COL26A1: variants seen among roughly 807,000 people sequenced by gnomAD.
COL26A1 encodes the protein collagen type XXVI alpha 1 chain, also known as collagen alpha-1(XXVI) chain.
COL26A1 carries 41 observed loss-of-function variants against 59.3 expected under a neutral mutation model. The ratio of observed to expected loss-of-function variants is 0.69; its 90% CI spans 0.54 to 0.90. COL26A1 has a LOEUF of 0.90. Ranked by LOEUF, COL26A1 falls within the 40% of genes least tolerant of loss-of-function variation. The pLI, the probability that COL26A1 is intolerant of heterozygous loss-of-function variation, is 0.00. For missense variants in COL26A1, 612 were observed against 602.3 expected (o/e 1.02, Z -0.17); for synonymous variants, 266 against 256.0 (o/e 1.04, Z -0.37).
rs58432413 is a variant in COL26A1, at chr7:101,429,589, C to CTTTTTTTTTTTTTT, written c.281+9498_281+9511dup. ...ATTCTTTTTTTTCCTTTCTTTTTTA[C>CTTTTTTTTTTTTTT]TTTTTTTTTTTTTTTTTTTTTGAGA... On this transcript the variant is annotated intron_variant, in intron 2 of 12. Coordinates refer to ENST00000313669, the MANE Select transcript of COL26A1 (RefSeq NM_001278563.3). Among the ~76,000 whole-genome samples, 114 of 78,680 alleles carry CTTTTTTTTTTTTTT rather than the reference C, an allele frequency of 1.4e-3. 3 individuals are homozygous for CTTTTTTTTTTTTTT. Among genetic ancestry groups the CTTTTTTTTTTTTTT allele is most frequent in the Middle Eastern group, 0.011 (1 of 94 alleles). The allele number at this position is 78,680 out of a possible 152,430, so 51.6% of individuals were successfully genotyped here. A position where few individuals can be genotyped will look rare whatever the true frequency, so the allele number is the denominator to read the frequency against.
intron 3 of COL26A1, among the ~76,000 whole-genome samples, chr7:101,475,809 T>TTCCTTCC (rs1563000047): frequency 0.049 from 2,004 of 40,950 alleles, 75 homozygotes; most frequent in African/African-American, 0.27. Flanking sequence ...TCCTTCCTTC[T>TTCCTTCC]TTCTTTCTTT....
intron 11 of COL26A1, 46 bp from the exon 12 acceptor site, chr7:101,555,741 C>A: frequency 1.4e-6 from 2 of 1,479,008 alleles, no homozygotes; most frequent in East Asian, 2.4e-5. Flanking sequence ...GGCCCTGACC[C>A]CTTCCTCATG....
At chr7:101,549,701 C>G (rs1795820439) in intron 9 of COL26A1, among the ~76,000 whole-genome samples, 1 of 152,162 alleles carries the variant, frequency 6.6e-6, no homozygotes, top group Non-Finnish European at 1.5e-5. Flanking sequence ...ATTTTATTAG[C>G]AGCAGTGACT....
intron 2 of COL26A1, among the ~76,000 whole-genome samples, chr7:101,430,174 A>G (rs947249803): frequency 6.6e-6 from 1 of 152,136 alleles, no homozygotes. Flanking sequence ...TACAAATCTT[A>G]TACTTATTTT....
At chr7:101,534,497 CACAT>C (rs1795436911) in intron 4 of COL26A1, among the ~76,000 whole-genome samples, 1 of 152,068 alleles carries the variant, frequency 6.6e-6, no homozygotes, top group Non-Finnish European at 1.5e-5. Context: ...TACATATATA[CACAT>C]ACAGACACAC....
chr7:101,437,748 T>C (rs1412623183), intron 2 of COL26A1, among the ~76,000 whole-genome samples: 1 of 151,254 alleles, frequency 6.6e-6, no homozygotes, highest in Non-Finnish European at 1.5e-5. Context: ...CTAATTTTTT[T>C]TTTTTTTTTA....
intron 1 of COL26A1, among the ~76,000 whole-genome samples, chr7:101,394,585 CTTTT>C (rs59966789): frequency 8.1e-6 from 1 of 122,804 alleles, no homozygotes; most frequent in African/African-American, 3.1e-5. Context: ...TTTTTCTTTT[CTTTT>C]TTTTTTTTTT....
chr7:101,477,595 A>G (rs141248664), intron 3 of COL26A1, among the ~76,000 whole-genome samples: 62 of 152,138 alleles, frequency 4.1e-4, no homozygotes, highest in Non-Finnish European at 7.8e-4. Flanking sequence ...CTTAATTCCC[A>G]GTTTTCAGTA....
intron 4 of COL26A1, among the ~76,000 whole-genome samples, chr7:101,536,904 C>G (rs1795494265): frequency 6.6e-6 from 1 of 152,150 alleles, no homozygotes; most frequent in East Asian, 1.9e-4. Context: ...TATGTAAAGG[C>G]AGGAAGTGGA....
intron 3 of COL26A1, among the ~76,000 whole-genome samples, chr7:101,476,707 C>G (rs748641545): frequency 6.6e-6 from 1 of 151,668 alleles, no homozygotes; most frequent in African/African-American, 2.4e-5. Flanking sequence ...GCCACCACAC[C>G]CGGCTAATTT....
intron 3 of COL26A1, among the ~76,000 whole-genome samples, chr7:101,477,646 A>G (rs1259795392): frequency 6.6e-6 from 1 of 152,214 alleles, no homozygotes; most frequent in African/African-American, 2.4e-5. Flanking sequence ...TTCTTCAGTC[A>G]TGAGATTCCC....
At chr7:101,439,879 T>C (rs1361295767) in intron 2 of COL26A1, among the ~76,000 whole-genome samples, 2 of 152,168 alleles carry the variant, frequency 1.3e-5, no homozygotes, top group Non-Finnish European at 2.9e-5. Flanking sequence ...TGGCCCTTAA[T>C]GTTCCCACCA....
At chr7:101,533,760 G>T (rs1795419114) in intron 4 of COL26A1, among the ~76,000 whole-genome samples, 1 of 151,982 alleles carries the variant, frequency 6.6e-6, no homozygotes, top group African/African-American at 2.4e-5. Context: ...CTCCCTCTGG[G>T]AGACGGTGGT....
intron 3 of COL26A1, among the ~76,000 whole-genome samples, chr7:101,473,320 C>T (rs1467895713): frequency 1.3e-5 from 2 of 152,034 alleles, no homozygotes; most frequent in African/African-American, 4.8e-5. Flanking sequence ...TTGTGATCCG[C>T]CCACCTCAGC....
chr7:101,371,360 C>A (rs1306657346), intron 1 of COL26A1, among the ~76,000 whole-genome samples: 6 of 152,070 alleles, frequency 3.9e-5, no homozygotes, highest in African/African-American at 1.4e-4. Context: ...CAAGAATTGG[C>A]AACTGTGATT....
intron 1 of COL26A1, among the ~76,000 whole-genome samples, chr7:101,406,389 G>A (rs1419022481): frequency 1.3e-5 from 2 of 152,152 alleles, no homozygotes; most frequent in Non-Finnish European, 2.9e-5. Context: ...CACTCCCTGC[G>A]GTGTTGAGGC....
intron 1 of COL26A1, among the ~76,000 whole-genome samples, chr7:101,389,860 G>T (rs148745440): frequency 6.6e-6 from 1 of 151,938 alleles, no homozygotes; most frequent in Non-Finnish European, 1.5e-5. Flanking sequence ...GCAATTTTTT[G>T]TATTTTAGTA....
chr7:101,553,520 C>A (rs1795904207), intron 11 of COL26A1, 144 bp downstream of exon 11: 5 of 656,140 alleles, frequency 7.6e-6, no homozygotes, highest in Non-Finnish European at 9.7e-6. Context: ...GGGCCCCTGC[C>A]CTGAGAAGTT....
intron 3 of COL26A1, among the ~76,000 whole-genome samples, chr7:101,454,935 G>A (rs368729714): frequency 1.6e-4 from 24 of 152,202 alleles, no homozygotes; most frequent in African/African-American, 5.3e-4. Flanking sequence ...ATTCACTAAG[G>A]TAGTGTAAAT....
Sources: allele counts gnomAD v4.1 joint callset (sites outside exome capture counted in the v4.1 genomes callset), GRCh38; gene constraint gnomAD v4.1.1; transcripts MANE v1.5; gene names NCBI Gene and HGNC (gene_info 2026-07-23, HGNC 2026-07-21).